EEA1: variants seen among roughly 807,000 people sequenced by gnomAD.
EEA1 encodes early endosome antigen 1.
Under a neutral mutation model 209.2 loss-of-function variants are expected in EEA1, and 111 were observed. That is an observed-to-expected ratio of 0.53 (90% CI 0.45 to 0.62). EEA1 has a LOEUF of 0.62. Ranked by LOEUF, EEA1 falls within the 20% of genes least tolerant of loss-of-function variation. The probability of loss-of-function intolerance (pLI) is 0.00; values close to 1 mark genes in which losing one functional copy is unlikely to be tolerated. For missense variants in EEA1, 1,343 were observed against 1,530.8 expected, an observed-to-expected ratio of 0.88 and a Z score of 2.05; for synonymous variants, 536 against 540.6, an observed-to-expected ratio of 0.99 and a Z score of 0.12.
chr12:92,882,965 T>C (rs1241369727), intron 2 of EEA1, among the ~76,000 whole-genome samples: 1 of 152,218 alleles, frequency 6.6e-6, no homozygotes, highest in East Asian at 1.9e-4. Context: ...TGAATGGTAG[T>C]CCTGTTTTAA....
At chr12:92,881,006 C>A (rs1879115423) in intron 2 of EEA1, among the ~76,000 whole-genome samples, 1 of 152,132 alleles carries the variant, frequency 6.6e-6, no homozygotes, top group East Asian at 1.9e-4. Context: ...ACTAGAGAAG[C>A]CAGCAATCTG....
Position 92,883,937 on chromosome 12 carries a change from G to A in EEA1, c.117+7692C>T, listed in dbSNP as rs554633743. 24 of 1,525,408 alleles carry A rather than the reference G, an allele frequency of 1.6e-5. No homozygotes were observed. The South Asian group carries it at 1.8e-4, about 11-fold the overall frequency. The allele number at this position is 1,525,408 out of a possible 1,614,324, so 94.5% of individuals were successfully genotyped here. On this transcript the variant is annotated intron_variant, in intron 2 of 28. Coordinates refer to ENST00000322349, the MANE Select transcript of EEA1 (RefSeq NM_003566.4). ...AGAGATCCAAACACAGAGCACTCCA[G>A]GGGCTTTGGGTTCATCACACATGCC...
intron 2 of EEA1, among the ~76,000 whole-genome samples, chr12:92,879,978 A>G (rs1734428402): frequency 6.6e-6 from 1 of 152,230 alleles, no homozygotes; most frequent in Non-Finnish European, 1.5e-5. Flanking sequence ...ATCCTTCTTT[A>G]GGAACCAGAA....
In EEA1 at chr12:92,857,312, T is replaced by C; in HGVS notation, c.329A>G (p.Lys110Arg). 1 of 1,594,264 alleles carries C rather than the reference T, an allele frequency of 6.3e-7. No homozygotes were observed. The highest frequency in any genetic ancestry group is 8.5e-7 in the Non-Finnish European group (1 of 1,173,120). The change falls in exon 5 of 29, where the codon AAG becomes AGG. Residue 110 changes from lysine (K) to arginine (R), a missense_variant. Physicochemically the swap from Lys to Arg is conservative, Grantham distance 26 (BLOSUM62 2). Coordinates refer to ENST00000322349, the MANE Select transcript of EEA1 (RefSeq NM_003566.4). The stretch of plus-strand genomic sequence containing the variant: ...CCCTTGATATTTTTCTAATTCCTTC[T>C]TTAATTCTTCCGAGTACCATTTTTC... The part of the protein sequence containing the change: ...KEEKWYSEEL[K>R]KELEKYQGLQ...
chr12:92,816,086 C>G, intron 15 of EEA1, 114 bp downstream of exon 15: 1 of 943,578 alleles, frequency 1.1e-6, no homozygotes, highest in Non-Finnish European at 1.6e-6. Flanking sequence ...TTATCTAATT[C>G]TTATTTCAAA....
intron 2 of EEA1, among the ~76,000 whole-genome samples, chr12:92,887,570 T>C (rs1879466344): frequency 6.6e-6 from 1 of 151,922 alleles, no homozygotes; most frequent in South Asian, 2.1e-4. Flanking sequence ...ATTGGGAGAA[T>C]TGCTTGAGCC....
chr12:92,883,775 T>A, intron 2 of EEA1: 4 of 1,471,110 alleles, frequency 2.7e-6, no homozygotes, highest in Non-Finnish European at 3.8e-6. Context: ...CCTTCCGTCA[T>A]GTCTAAGTCA....
intron 3 of EEA1, chr12:92,858,159 A>G: frequency 3.2e-6 from 2 of 618,464 alleles, no homozygotes; most frequent in Non-Finnish European, 6.1e-6. Context: ...TTGGTGGGGG[A>G]AGGCCCACCC....
In EEA1 at chr12:92,832,722, C is replaced by A. The variant is rs1260979535; in HGVS notation, c.1044G>T (p.Gln348His). ...TLHQKDLDCQ[Q>H]LQSRLSASET... ...CAGATGCAGACAATCTTGACTGAAG[C>A]TGTTGACAATCTAGGTCTTTTTGAT... The change falls in exon 11 of 29, where the codon CAG becomes CAT. Residue 348 changes from glutamine (Q) to histidine (H), a missense_variant. Coordinates refer to ENST00000322349, the MANE Select transcript of EEA1 (RefSeq NM_003566.4). 1.2e-6 allele frequency: 2 copies of A among 1,614,002 alleles called. No individual in the cohort carries two copies. The highest frequency in any genetic ancestry group is 4.5e-5 in the East Asian group (2 of 44,842).
chr12:92,874,211 C>G (rs898860271), intron 2 of EEA1, among the ~76,000 whole-genome samples: 4 of 151,940 alleles, frequency 2.6e-5, no homozygotes, highest in African/African-American at 9.7e-5. Context: ...GTCCCAGGTA[C>G]TTAGGAGGTT....
chr12:92,849,844 G>C (rs1877537773), intron 9 of EEA1, among the ~76,000 whole-genome samples: 1 of 152,058 alleles, frequency 6.6e-6, no homozygotes. Context: ...AAATTAAAAT[G>C]TTACGGTAAC....
intron 22 of EEA1, among the ~76,000 whole-genome samples, chr12:92,787,188 T>C (rs974170276): frequency 6.6e-6 from 1 of 152,042 alleles, no homozygotes; most frequent in Non-Finnish European, 1.5e-5. Flanking sequence ...AAGAAACAGA[T>C]AAAGCATTTC....
In EEA1 at chr12:92,883,706, G is replaced by C. The variant is rs1879260973; in HGVS notation, c.117+7923C>G. On this transcript the variant is annotated intron_variant, in intron 2 of 28. Coordinates refer to ENST00000322349, the MANE Select transcript of EEA1 (RefSeq NM_003566.4). ...AGAATACAGTGAGACACGTTCATCA[G>C]CTTGTTCTTTTCTGCCCGCGGACGC... The C allele has an allele frequency of 3.3e-5, 28 of 841,022 alleles. 1 individual carries two copies. In the South Asian group the frequency reaches 4.5e-4, roughly 14 times the overall value. The allele number at this position is 841,022 out of a possible 1,614,324, so 52.1% of individuals were successfully genotyped here.
At chr12:92,918,825 T>A in intron 1 of EEA1, among the ~76,000 whole-genome samples, 1 of 125,452 alleles carries the variant, frequency 8.0e-6, no homozygotes, top group African/African-American at 3.2e-5. Context: ...TTTGAAAGGA[T>A]CAACAAAATT....
intron 10 of EEA1, among the ~76,000 whole-genome samples, chr12:92,834,173 A>G (rs1876800523): frequency 6.6e-6 from 1 of 152,146 alleles, no homozygotes; most frequent in African/African-American, 2.4e-5. Flanking sequence ...ATATTTGTCT[A>G]AGAAAAAGTA....
In EEA1 at chr12:92,894,916, C is replaced by T. The variant is rs563044908; in HGVS notation, c.25-3195G>A. 2.4e-4 allele frequency among the ~76,000 whole-genome samples: 37 copies of T among 152,306 alleles called. 1 individual carries two copies. In the South Asian group the frequency reaches 7.5e-3, roughly 31 times the overall value. On this transcript the variant is annotated intron_variant, in intron 1 of 28. Coordinates refer to ENST00000322349, the MANE Select transcript of EEA1 (RefSeq NM_003566.4). ...TATAGCTAGAGAAGAGAAATCAATA[C>T]TGGGCTTCCAAGCTTCGAATTCCAA... is the stretch of plus-strand genomic sequence containing the variant.
chr12:92,844,048 T>C (rs1592732539), intron 9 of EEA1, among the ~76,000 whole-genome samples: 2 of 152,276 alleles, frequency 1.3e-5, no homozygotes, highest in South Asian at 2.1e-4. Flanking sequence ...AACAAGTTTA[T>C]AGGCAAGGTA....
At chr12:92,916,947 G>T (rs1335671148) in intron 1 of EEA1, among the ~76,000 whole-genome samples, 6 of 151,560 alleles carry the variant, frequency 4.0e-5, no homozygotes, top group Admixed American at 6.6e-5. Flanking sequence ...CGTGAAGAAC[G>T]CAGAAGCCTC....
chr12:92,779,314 A>G lies in EEA1; in HGVS notation c.3469-14T>C, dbSNP rs760083280. 1 of 1,569,398 alleles carries G rather than the reference A, an allele frequency of 6.4e-7. No homozygotes were observed. Among genetic ancestry groups the G allele is most frequent in the East Asian group, 2.3e-5 (1 of 43,422 alleles). ...ATTTGTTATCTCCTGTTGAAAAAGT[A>G]GGGCCAAAAATAAATCATCCTTCAT... On this transcript the variant is annotated splice_polypyrimidine_tract_variant and intron_variant, in intron 24 of 28. Transcript: ENST00000322349.
Sources: allele counts gnomAD v4.1 joint callset (sites outside exome capture counted in the v4.1 genomes callset), GRCh38; gene constraint gnomAD v4.1.1; transcripts MANE v1.5; gene names NCBI Gene and HGNC (gene_info 2026-07-23, HGNC 2026-07-21).